XXYLT1: variants seen among roughly 807,000 people sequenced by gnomAD.
The protein encoded by XXYLT1 is xyloside xylosyltransferase 1.
A neutral mutation model predicts 28.9 loss-of-function variants in XXYLT1; 20 were observed. The ratio of observed to expected loss-of-function variants is 0.69; its 90% CI spans 0.49 to 1.00. The LOEUF (loss-of-function observed/expected upper bound fraction) is 1.00, where lower values mean the gene tolerates loss of function less well. XXYLT1 is among the 50% of genes least tolerant of loss of function. The pLI, the probability that XXYLT1 is intolerant of heterozygous loss-of-function variation, is 0.00. For synonymous variants in XXYLT1, 257 were observed against 253.8 expected, an observed-to-expected ratio of 1.01 and a Z score of -0.12; for missense variants, 542 against 560.1, an observed-to-expected ratio of 0.97 and a Z score of 0.33.
chr3:195,169,035 C>T (rs1164332165), intron 2 of XXYLT1, among the ~76,000 whole-genome samples: 1 of 152,190 alleles, frequency 6.6e-6, no homozygotes, highest in African/African-American at 2.4e-5. Context: ...CTGACAGTTC[C>T]GTGGGTCCCC....
rs767825968 is a variant in XXYLT1 at position 195,270,539 on chromosome 3, G to A, written c.504+16C>T. On this transcript the variant is annotated intron_variant, in intron 1 of 3. Coordinates refer to ENST00000310380, the MANE Select transcript of XXYLT1 (RefSeq NM_152531.5). The stretch of plus-strand genomic sequence containing the variant: ...GTGGGCCACCCACCGGGAGCCCCCA[G>A]CCGCGGCCCGCTCACCTTGCACTTG... 10 of 1,373,966 alleles carry A rather than the reference G, an allele frequency of 7.3e-6. No homozygotes were observed. In the East Asian group the frequency reaches 8.9e-5, roughly 12 times the overall value. The allele number at this position is 1,373,966 out of a possible 1,614,324, so 85.1% of individuals were successfully genotyped here. A position where few individuals can be genotyped will look rare whatever the true frequency, so the allele number is the denominator to read the frequency against.
At chr3:195,159,008 A>G (rs1383362733) in intron 2 of XXYLT1, among the ~76,000 whole-genome samples, 2 of 152,222 alleles carry the variant, frequency 1.3e-5, no homozygotes, top group East Asian at 3.8e-4. Context: ...TGGAAGTAAC[A>G]TCGCAGAGAA....
chr3:195,175,770 C>A (rs1454575750), intron 2 of XXYLT1: 12 of 1,515,620 alleles, frequency 7.9e-6, no homozygotes, highest in Non-Finnish European at 7.9e-6. Flanking sequence ...CCACTGCTCC[C>A]CTGGAAGCCA....
intron 3 of XXYLT1, among the ~76,000 whole-genome samples, chr3:195,098,932 G>T (rs962527577): frequency 2.0e-5 from 3 of 152,230 alleles, no homozygotes; most frequent in Non-Finnish European, 4.4e-5. Context: ...CGGCCCTGTT[G>T]ACTTGGGACA....
At chr3:195,080,962 A>C (rs1182830915) in intron 3 of XXYLT1, among the ~76,000 whole-genome samples, 3 of 152,182 alleles carry the variant, frequency 2.0e-5, no homozygotes, top group Non-Finnish European at 2.9e-5. Context: ...ATTCCATGTA[A>C]GGGCCCCCAC....
intron 2 of XXYLT1, among the ~76,000 whole-genome samples, chr3:195,188,328 G>A (rs1287386168): frequency 6.6e-6 from 1 of 152,232 alleles, no homozygotes; most frequent in Non-Finnish European, 1.5e-5. Context: ...CAGGTCTGGA[G>A]TGGGAACAGC....
chr3:195,207,845 G>A (rs942452548), intron 2 of XXYLT1, among the ~76,000 whole-genome samples: 1 of 152,174 alleles, frequency 6.6e-6, no homozygotes, highest in Non-Finnish European at 1.5e-5. Context: ...GTGGCTGCTG[G>A]TGGGCCTCAG....
At chr3:195,235,113 TTTC>T (rs2108814382) in intron 1 of XXYLT1, among the ~76,000 whole-genome samples, 1 of 152,214 alleles carries the variant, frequency 6.6e-6, no homozygotes, top group South Asian at 2.1e-4. Flanking sequence ...GCTCTCTTGC[TTTC>T]TTTTTTTGAG....
intron 2 of XXYLT1, among the ~76,000 whole-genome samples, chr3:195,172,207 T>C (rs1266027423): frequency 6.6e-6 from 1 of 152,226 alleles, no homozygotes; most frequent in Admixed American, 6.5e-5. Context: ...ACAGAGCCCT[T>C]CTGCTTTTCA....
At chr3:195,148,567 G>T (rs570592888) in intron 3 of XXYLT1, among the ~76,000 whole-genome samples, 1 of 152,282 alleles carries the variant, frequency 6.6e-6, no homozygotes, top group Admixed American at 6.5e-5. Context: ...TAATGAGGGT[G>T]ATGGCTGGTT....
rs188567346 is a variant in XXYLT1, at chr3:195,196,718, A to C, written c.652+29991T>G. 4.4e-4 allele frequency among the ~76,000 whole-genome samples: 67 copies of C among 152,348 alleles called. 1 individual carries two copies. In the Middle Eastern group the frequency reaches 0.01, roughly 23 times the overall value. ...AACTCAGGAGACCCAACCGTGTAAA[A>C]GCAAATGTAACAGGATAAGAAAAGA... On this transcript the variant is annotated intron_variant, in intron 2 of 3. Transcript: ENST00000310380.
chr3:195,111,648 T>C (rs1717723640), intron 3 of XXYLT1, among the ~76,000 whole-genome samples: 1 of 152,142 alleles, frequency 6.6e-6, no homozygotes, highest in Non-Finnish European at 1.5e-5. Flanking sequence ...GAACGAGTAT[T>C]ATACTATCAC....
rs1465288212 is a variant in XXYLT1 at position 195,252,723 on chromosome 3, C to CAG, written c.504+17831_504+17832insCT. The stretch of plus-strand genomic sequence containing the variant: ...ACACACACACACACACACACACACA[C>CAG]ACACAGAGAGAGAGAGAGAGAGAGA... On this transcript the variant is annotated intron_variant, in intron 1 of 3. Coordinates refer to ENST00000310380, the MANE Select transcript of XXYLT1 (RefSeq NM_152531.5). 4.4e-3 allele frequency among the ~76,000 whole-genome samples: 568 copies of CAG among 129,232 alleles called. 5 individuals carry two copies. Among genetic ancestry groups the CAG allele is most frequent in the African/African-American group, 0.017 (512 of 30,518 alleles). 84.8% of individuals were successfully genotyped at this position (129,232 alleles called of 152,430 possible).
intron 3 of XXYLT1, among the ~76,000 whole-genome samples, chr3:195,131,101 C>T (rs1479160051): frequency 6.6e-6 from 1 of 152,180 alleles, no homozygotes; most frequent in Non-Finnish European, 1.5e-5. Flanking sequence ...ACAGTGTTCT[C>T]CCTTGTGCCG....
chr3:195,240,497 G>C lies in XXYLT1; in HGVS notation c.505-13641C>G, dbSNP rs370895661. 6.6e-6 allele frequency among the ~76,000 whole-genome samples: 1 copy of C among 152,252 alleles called. No homozygotes were observed. The highest frequency in any genetic ancestry group is 2.4e-5 in the African/African-American group (1 of 41,472). Reference sequence around the variant, plus strand: ...TTTTATCACTTGGCCGGCCCCACTGGGAGTCAGGTCGCAGCCACACTCCTG... The same window carrying C: ...TTTTATCACTTGGCCGGCCCCACTGCGAGTCAGGTCGCAGCCACACTCCTG... On this transcript the variant is annotated intron_variant, in intron 1 of 3. Transcript: ENST00000310380. The surrounding 1 kb of genome is among the most constrained non-coding windows in gnomAD (Gnocchi z 4.7).
intron 2 of XXYLT1, among the ~76,000 whole-genome samples, chr3:195,201,445 C>T (rs1397707448): frequency 4.6e-5 from 7 of 152,212 alleles, no homozygotes; most frequent in Non-Finnish European, 7.3e-5. Flanking sequence ...AATGTATTCT[C>T]AAACCTGTGC....
intron 3 of XXYLT1, among the ~76,000 whole-genome samples, chr3:195,075,739 C>T (rs2108640647): frequency 6.6e-6 from 1 of 152,340 alleles, no homozygotes; most frequent in African/African-American, 2.4e-5. Flanking sequence ...TGCTCACCCT[C>T]GTCTGTGGGA....
chr3:195,138,498 C>T (rs1477807013), intron 3 of XXYLT1, among the ~76,000 whole-genome samples: 1 of 152,124 alleles, frequency 6.6e-6, no homozygotes, highest in Non-Finnish European at 1.5e-5. Flanking sequence ...AGGCGGCCCT[C>T]AGAGAGGCTT....
intron 2 of XXYLT1, among the ~76,000 whole-genome samples, chr3:195,172,631 C>G (rs1721466744): frequency 6.6e-6 from 1 of 152,214 alleles, no homozygotes; most frequent in Non-Finnish European, 1.5e-5. Context: ...GGGTCCCACT[C>G]CTGTAACTTA....
Sources: allele counts gnomAD v4.1 joint callset (sites outside exome capture counted in the v4.1 genomes callset), GRCh38; gene constraint gnomAD v4.1.1; non-coding constraint Gnocchi (gnomAD v3.1); transcripts MANE v1.5; gene names NCBI Gene and HGNC (gene_info 2026-07-23, HGNC 2026-07-21).